Variants in MYO16 observed in about 807,000 individuals in gnomAD.
The protein encoded by MYO16 is myosin XVI.
In MYO16, 94 loss-of-function variants were observed where a neutral mutation model predicts 205.3. That is an observed-to-expected ratio of 0.46 (90% confidence interval 0.39 to 0.54). The LOEUF is 0.54. MYO16 is among the 20% of genes least tolerant of loss of function. The probability of loss-of-function intolerance (pLI) is 0.00; values close to 1 mark genes in which losing one functional copy is unlikely to be tolerated. For missense variants in MYO16, 2,315 were observed against 2,387.5 expected, an observed-to-expected ratio of 0.97 and a Z score of 0.63; for synonymous variants, 988 against 954.0, an observed-to-expected ratio of 1.04 and a Z score of -0.66.
At chr13:109,085,938 T>C (rs2139679631) in intron 27 of MYO16, among the ~76,000 whole-genome samples, 1 of 152,324 alleles carries the variant, frequency 6.6e-6, no homozygotes, top group East Asian at 1.9e-4. Context: ...CTATAACATG[T>C]TAGCTGTCTT....
chr13:108,789,544 C>G (rs944045427), intron 5 of MYO16, among the ~76,000 whole-genome samples: 2 of 152,168 alleles, frequency 1.3e-5, no homozygotes, highest in African/African-American at 4.8e-5. Context: ...GGGTTACAGT[C>G]TGCATGACTA....
At chr13:108,689,712 T>TAA (rs201716800) in intron 2 of MYO16, among the ~76,000 whole-genome samples, 8 of 143,410 alleles carry the variant, frequency 5.6e-5, no homozygotes, top group Non-Finnish European at 1.2e-4. Flanking sequence ...ATATAAAAGA[T>TAA]AAAAAAAAAA....
At chr13:108,537,717 T>C in the MYO16 span, among the ~76,000 whole-genome samples, 2 of 152,130 alleles carry the variant, frequency 1.3e-5, no homozygotes, top group Admixed American at 6.6e-5. Flanking sequence ...TGGTGTGAGA[T>C]AGTATCTCAT....
chr13:108,851,281 A>G (rs1249833016), intron 10 of MYO16, among the ~76,000 whole-genome samples: 4 of 152,346 alleles, frequency 2.6e-5, no homozygotes, highest in African/African-American at 9.6e-5. Flanking sequence ...TAATTTTTGT[A>G]CATGCATACG....
At chr13:108,864,603 A>C (rs1436402904) in intron 11 of MYO16, among the ~76,000 whole-genome samples, 1 of 152,096 alleles carries the variant, frequency 6.6e-6, no homozygotes, top group Non-Finnish European at 1.5e-5. Context: ...ATATCAGCTT[A>C]CTGCAGCCTC....
Position 108,648,852 on chromosome 13 carries a change from G to A in MYO16, c.29-17034G>A, listed in dbSNP as rs572368054. Among the ~76,000 whole-genome samples, 4 of 152,174 alleles carry A rather than the reference G, an allele frequency of 2.6e-5. No individual in the cohort carries two copies. The East Asian group carries it at 5.8e-4, about 22-fold the overall frequency. On this transcript the variant is annotated intron_variant, in intron 1 of 34. Transcript: ENST00000457511. ...AAAATCTGAATGCCAGTGGCTTCAT[G>A]TATTGCTGGATCAGGGGTCAGGGGA...
intron 20 of MYO16, among the ~76,000 whole-genome samples, chr13:108,967,052 A>G (rs924298268): frequency 1.3e-5 from 2 of 152,244 alleles, no homozygotes; most frequent in African/African-American, 2.4e-5. Context: ...ATTACTGTAT[A>G]TATATATACA....
the MYO16 span, among the ~76,000 whole-genome samples, chr13:108,575,436 T>G: frequency 6.6e-6 from 1 of 152,100 alleles, no homozygotes; most frequent in Admixed American, 6.6e-5. Flanking sequence ...AGCTAGTCCT[T>G]TTTTGCACTC....
chr13:108,749,756 C>T (rs910620973), intron 4 of MYO16, among the ~76,000 whole-genome samples: 11 of 152,328 alleles, frequency 7.2e-5, no homozygotes, highest in African/African-American at 2.6e-4. Context: ...ACAATACAAC[C>T]CAGCAATCAT....
the MYO16 span, among the ~76,000 whole-genome samples, chr13:108,535,435 C>G: frequency 1.0e-3 from 153 of 152,278 alleles, 4 homozygotes; most frequent in South Asian, 0.029. Flanking sequence ...TGGTGGCTTC[C>G]CATAGTTCAA....
chr13:108,986,603 C>T (rs867063403), intron 20 of MYO16, among the ~76,000 whole-genome samples: 147 of 79,932 alleles, frequency 1.8e-3, no homozygotes, highest in African/African-American at 6.8e-3. Context: ...GCCTGGGCAA[C>T]AAGAGCGAAA....
At chr13:109,200,347 A>C (rs1880348968) in intron 34 of MYO16, among the ~76,000 whole-genome samples, 1 of 152,204 alleles carries the variant, frequency 6.6e-6, no homozygotes, top group African/African-American at 2.4e-5. Flanking sequence ...TAATGTCTGT[A>C]ATAGAAAAGA....
intron 24 of MYO16, among the ~76,000 whole-genome samples, chr13:109,048,069 T>C (rs1453310070): frequency 7.1e-6 from 1 of 141,726 alleles, no homozygotes; most frequent in Non-Finnish European, 1.6e-5. Flanking sequence ...AATGCACTTC[T>C]CTTTTATGGA....
intron 12 of MYO16, among the ~76,000 whole-genome samples, chr13:108,872,680 A>G (rs955534085): frequency 1.3e-5 from 2 of 151,510 alleles, no homozygotes; most frequent in African/African-American, 2.4e-5. Flanking sequence ...TATTTAATAT[A>G]TAAGTATTAT....
chr13:108,508,822 G>A, the MYO16 span, among the ~76,000 whole-genome samples: 1 of 152,192 alleles, frequency 6.6e-6, no homozygotes, highest in Non-Finnish European at 1.5e-5. Flanking sequence ...TCGTAAAGGT[G>A]TTTGGTTCAT....
intron 2 of MYO16, among the ~76,000 whole-genome samples, chr13:108,690,671 C>T (rs1882861753): frequency 6.6e-6 from 1 of 152,120 alleles, no homozygotes; most frequent in African/African-American, 2.4e-5. Context: ...TTGTCTCCAG[C>T]ACTTTTTTGG....
At chr13:108,746,383 A>G (rs1885063736) in intron 4 of MYO16, among the ~76,000 whole-genome samples, 1 of 152,148 alleles carries the variant, frequency 6.6e-6, no homozygotes, top group South Asian at 2.1e-4. Flanking sequence ...AAGGTTTGAC[A>G]TGTGTAATGG....
chr13:108,828,626 G>A (rs1876419892), intron 9 of MYO16, among the ~76,000 whole-genome samples: 1 of 152,108 alleles, frequency 6.6e-6, no homozygotes, highest in Admixed American at 6.6e-5. Context: ...CAGGGTAGGG[G>A]CCTAGTCATG....
At chr13:108,855,276 G>GTTTTTTTTTTTTTTTTTTT in intron 10 of MYO16, 167 bp from the exon 11 acceptor site, 2 of 315,866 alleles carry the variant, frequency 6.3e-6, no homozygotes, top group Admixed American at 4.6e-5. Flanking sequence ...TGGCTTTAGA[G>GTTTTTTTTTTTTTTTTTTT]TTTTTTTTTT....
Sources: allele counts gnomAD v4.1 joint callset (sites outside exome capture counted in the v4.1 genomes callset), GRCh38; gene constraint gnomAD v4.1.1; transcripts MANE v1.5; gene names NCBI Gene and HGNC (gene_info 2026-07-23, HGNC 2026-07-21).